HIVEP2: variants seen among roughly 807,000 people sequenced by gnomAD.
HIVEP2 encodes the protein transcription factor HIVEP2.
HIVEP2 carries 14 observed loss-of-function variants against 180.7 expected under a neutral mutation model. The ratio of observed to expected loss-of-function variants is 0.08; its 90% confidence interval spans 0.05 to 0.12. HIVEP2 has a LOEUF of 0.12. HIVEP2 is among the 10% of genes least tolerant of loss of function. The probability of loss-of-function intolerance (pLI) is 1.00; values close to 1 mark genes in which losing one functional copy is unlikely to be tolerated. For missense variants in HIVEP2, 2,579 were observed against 3,008.5 expected (o/e 0.86, Z 3.34); for synonymous variants, 1,184 against 1,136.4 (o/e 1.04, Z -0.84).
intron 1 of HIVEP2, among the ~76,000 whole-genome samples, chr6:142,931,087 A>C (rs1283030579): frequency 1.3e-5 from 2 of 152,142 alleles, no homozygotes; most frequent in African/African-American, 4.8e-5. Flanking sequence ...TGTTCTATCA[A>C]ATATGTGACC....
At chr6:142,880,033 G>C (rs1417041414) in intron 1 of HIVEP2, among the ~76,000 whole-genome samples, 1 of 152,000 alleles carries the variant, frequency 6.6e-6, no homozygotes, top group Non-Finnish European at 1.5e-5. Context: ...TTGATAATTT[G>C]GAAACTCTAT....
chr6:142,753,541 G>T lies in HIVEP2; in HGVS notation c.6907C>A (p.Arg2303=). Residue 2303 remains arginine, a synonymous_variant, in exon 10 of 10, where the codon CGG becomes AGG. Transcript: ENST00000367603. ...SGPPSTPSSP[R]LLMKQSTSED... ...GAAGTGCTCTGTTTCATCAACAGCC[G>T]AGGAGAGGAGGGAGTGCTAGGTGGA... 1 of 1,614,210 alleles carries T rather than the reference G, an allele frequency of 6.2e-7. No individual in the cohort carries two copies. The highest frequency in any genetic ancestry group is 8.5e-7 in the Non-Finnish European group (1 of 1,180,038).
chr6:142,927,065 G>A (rs920508525), intron 1 of HIVEP2, among the ~76,000 whole-genome samples: 2 of 151,498 alleles, frequency 1.3e-5, no homozygotes, highest in African/African-American at 4.8e-5. Flanking sequence ...CGCTCCCGGC[G>A]CCTCCGTCCC....
intron 1 of HIVEP2, among the ~76,000 whole-genome samples, chr6:142,931,836 CGTTTT>C (rs1028806578): frequency 6.6e-6 from 1 of 152,156 alleles, no homozygotes; most frequent in Non-Finnish European, 1.5e-5. Flanking sequence ...CATTATCTAT[CGTTTT>C]AAGTCCAAAC....
chr6:142,775,200 T>A, intron 4 of HIVEP2, 75 bp from the exon 5 acceptor site: 2 of 336,724 alleles, frequency 5.9e-6, no homozygotes, highest in Non-Finnish European at 8.4e-6. Flanking sequence ...AAAACCTAAC[T>A]AACCAACCAG....
chr6:142,781,209 T>C (rs1775851139), intron 3 of HIVEP2, among the ~76,000 whole-genome samples: 1 of 152,216 alleles, frequency 6.6e-6, no homozygotes, highest in African/African-American at 2.4e-5. Context: ...TTCTCTAATA[T>C]TTCATTAAAA....
intron 1 of HIVEP2, among the ~76,000 whole-genome samples, chr6:142,883,134 C>T (rs1776613007): frequency 6.6e-6 from 1 of 151,928 alleles, no homozygotes; most frequent in East Asian, 1.9e-4. Flanking sequence ...GGATAGCATT[C>T]GATATCACAC....
In HIVEP2 at chr6:142,765,434, G is replaced by A. The variant is rs74725286; in HGVS notation, c.5343-460C>T. Among the ~76,000 whole-genome samples the A allele has an allele frequency of 4.6e-3, 708 of 152,322 alleles. 4 individuals are homozygous for A. Among genetic ancestry groups the A allele is most frequent in the Non-Finnish European group, 7.3e-3 (497 of 68,020 alleles). On this transcript the variant is annotated intron_variant, in intron 6 of 9. Coordinates refer to ENST00000367603, the MANE Select transcript of HIVEP2 (RefSeq NM_006734.4). The stretch of plus-strand genomic sequence containing the variant: ...CAACCCTCTAAATTTGCTAAATTAA[G>A]TATAACTGATAATAGAATTCTTCAT...
chr6:142,939,743 G>C (rs1246495815), intron 1 of HIVEP2, among the ~76,000 whole-genome samples: 1 of 152,178 alleles, frequency 6.6e-6, no homozygotes, highest in Non-Finnish European at 1.5e-5. Context: ...TAAAATGTTT[G>C]AAGTTGGAAA....
chr6:142,890,509 A>C (rs953213980), intron 1 of HIVEP2, among the ~76,000 whole-genome samples: 19 of 152,176 alleles, frequency 1.2e-4, no homozygotes, highest in African/African-American at 4.6e-4. Flanking sequence ...CAGTCCACAG[A>C]ATGGAATCCC....
intron 2 of HIVEP2, among the ~76,000 whole-genome samples, chr6:142,834,693 A>G (rs901113729): frequency 6.6e-6 from 1 of 152,188 alleles, no homozygotes; most frequent in Non-Finnish European, 1.5e-5. Flanking sequence ...CTAACTTTTC[A>G]AAAAGTACCA....
In HIVEP2 at chr6:142,773,704, A is replaced by T. The variant is rs200385041; in HGVS notation, c.1035T>A (p.Ile345=). The change falls in exon 5 of 10, where the codon ATT becomes ATA. Residue 345 remains isoleucine, a synonymous_variant. Coordinates refer to ENST00000367603, the MANE Select transcript of HIVEP2 (RefSeq NM_006734.4). Reference sequence around the variant, plus strand: ...ATGGATTTGGTAGCATATCAGGGCCAATATACTGAGAGCTTTCATTAGGGA... The same window carrying T: ...ATGGATTTGGTAGCATATCAGGGCCTATATACTGAGAGCTTTCATTAGGGA... ...IPLPNESSQY[I]GPDMLPNPSL... The T allele has an allele frequency of 1.2e-6, 2 of 1,614,148 alleles. No individual in the cohort carries two copies. Among genetic ancestry groups the T allele is most frequent in the Non-Finnish European group, 1.7e-6 (2 of 1,180,000 alleles).
At chr6:142,791,648 T>C (rs1776140592) in intron 2 of HIVEP2, among the ~76,000 whole-genome samples, 1 of 152,224 alleles carries the variant, frequency 6.6e-6, no homozygotes, top group East Asian at 1.9e-4. Flanking sequence ...TATACTAATG[T>C]GATGAAATAA....
intron 1 of HIVEP2, among the ~76,000 whole-genome samples, chr6:142,839,405 C>T (rs1254082342): frequency 2.0e-5 from 3 of 151,990 alleles, no homozygotes; most frequent in African/African-American, 4.8e-5. Context: ...GGGGGAGGGA[C>T]TCTTAGTGTT....
At chr6:142,813,165 T>C (rs1776741896) in intron 2 of HIVEP2, among the ~76,000 whole-genome samples, 1 of 152,208 alleles carries the variant, frequency 6.6e-6, no homozygotes, top group South Asian at 2.1e-4. Context: ...GTTTATAAGA[T>C]CTGTCACTGC....
At position 142,898,966 on chromosome 6, in the gene HIVEP2, G is replaced by A. The variant is rs75522786; in HGVS notation, c.-641+46133C>T. 8.9e-3 allele frequency among the ~76,000 whole-genome samples: 1,349 copies of A among 152,182 alleles called. 85 individuals are homozygous for A. In the East Asian group the frequency reaches 0.17, roughly 19 times the overall value. ...TCTGCACACCATGTCTCCCAAATCC[G>A]GGCTTGGCTTCCTCTGTATCATTCT... is the stretch of plus-strand genomic sequence containing the variant. On this transcript the variant is annotated intron_variant, in intron 1 of 9. Transcript: ENST00000367603.
chr6:142,790,871 GCAT>G (rs1776120835), intron 2 of HIVEP2, among the ~76,000 whole-genome samples: 1 of 152,144 alleles, frequency 6.6e-6, no homozygotes, highest in South Asian at 2.1e-4. Flanking sequence ...AATATGAATT[GCAT>G]CCCACATTTC....
chr6:142,916,726 T>C (rs901261000), intron 1 of HIVEP2, among the ~76,000 whole-genome samples: 1 of 152,176 alleles, frequency 6.6e-6, no homozygotes, highest in African/African-American at 2.4e-5. Flanking sequence ...AGCTGTATGA[T>C]TGTCAGATTA....
At chr6:142,802,938 T>C (rs1172581067) in intron 2 of HIVEP2, among the ~76,000 whole-genome samples, 2 of 152,200 alleles carry the variant, frequency 1.3e-5, no homozygotes, top group East Asian at 3.8e-4. Flanking sequence ...AATATCTAAG[T>C]TGTTTTAAAA....
Sources: gnomAD v4.1 joint callset for allele counts (sites outside exome capture counted in the v4.1 genomes callset) on GRCh38, gnomAD v4.1.1 for gene constraint, MANE v1.5 for transcripts, NCBI Gene and HGNC (gene_info 2026-07-23, HGNC 2026-07-21) for gene names.